The following TENM2 variants were observed in gnomAD, a reference collection of about 807,000 sequenced individuals.
TENM2 encodes teneurin transmembrane protein 2.
A neutral mutation model predicts 245.2 loss-of-function variants in TENM2; 52 were observed. The ratio of observed to expected loss-of-function variants is 0.21; its 90% CI spans 0.17 to 0.27. TENM2 has a LOEUF of 0.27. Ranked by LOEUF, TENM2 falls within the 10% of genes least tolerant of loss-of-function variation. TENM2 has a pLI of 1.00. For missense variants in TENM2, 3,046 were observed against 3,666.8 expected, an observed-to-expected ratio of 0.83 and a Z score of 4.37; for synonymous variants, 1,363 against 1,438.9, an observed-to-expected ratio of 0.95 and a Z score of 1.19.
At chr5:167,707,120 G>A (rs567480310) in intron 2 of TENM2, among the ~76,000 whole-genome samples, 4 of 151,614 alleles carry the variant, frequency 2.6e-5, no homozygotes, top group African/African-American at 9.7e-5. Context: ...CATGGTAGGT[G>A]ATATCTCAGT....
intron 23 of TENM2, among the ~76,000 whole-genome samples, chr5:168,223,137 A>G (rs1029359558): frequency 6.6e-6 from 1 of 152,192 alleles, no homozygotes; most frequent in Non-Finnish European, 1.5e-5. Flanking sequence ...AAAGTTAAAG[A>G]AAATCTGTTT....
Position 167,567,977 on chromosome 5 carries a change from CA to C in TENM2, c.502+192516del, listed in dbSNP as rs70976435. ...CAAAGGAATAGCAATATATATTGTA[CA>C]AAAAAAAAAAATACTTCGCTCATGT... On this transcript the variant is annotated intron_variant, in intron 2 of 28. Transcript: ENST00000518659. Among the ~76,000 whole-genome samples the C allele has an allele frequency of 9.5e-3, 1,348 of 141,814 alleles. 17 individuals carry two copies. Among genetic ancestry groups the C allele is most frequent in the African/African-American group, 0.026 (991 of 38,590 alleles). 93.0% of individuals were successfully genotyped at this position (141,814 alleles called of 152,430 possible).
chr5:167,687,374 G>A (rs1272305960), intron 2 of TENM2, among the ~76,000 whole-genome samples: 1 of 151,856 alleles, frequency 6.6e-6, no homozygotes, highest in Non-Finnish European at 1.5e-5. Context: ...ATTTTCTGAA[G>A]GAAAAAAATA....
chr5:168,125,380 A>T (rs183775877), intron 11 of TENM2, among the ~76,000 whole-genome samples: 8 of 152,308 alleles, frequency 5.3e-5, no homozygotes, highest in East Asian at 3.9e-4. Context: ...GACAAACTAA[A>T]TGGAACATCC....
intron 2 of TENM2, among the ~76,000 whole-genome samples, chr5:167,551,526 C>T (rs1232357311): frequency 2.0e-5 from 3 of 152,062 alleles, no homozygotes; most frequent in African/African-American, 4.8e-5. Context: ...AAATCCATAA[C>T]AAAATAGAAG....
chr5:167,125,928 C>T, the TENM2 span, among the ~76,000 whole-genome samples: 6 of 152,098 alleles, frequency 3.9e-5, no homozygotes, highest in Non-Finnish European at 7.4e-5. Context: ...ATACTTTTTC[C>T]CAACAACTGA....
chr5:167,681,590 G>A (rs1756708294), intron 2 of TENM2, among the ~76,000 whole-genome samples: 1 of 150,864 alleles, frequency 6.6e-6, no homozygotes, highest in African/African-American at 2.4e-5. Context: ...ATGTATATGT[G>A]TATATATACA....
the TENM2 span, among the ~76,000 whole-genome samples, chr5:167,032,664 A>G: frequency 2.0e-5 from 3 of 152,288 alleles, no homozygotes; most frequent in Admixed American, 6.5e-5. Context: ...GAATCGTGCA[A>G]TGAAAATTGG....
At chr5:167,453,886 G>T (rs1179710800) in intron 2 of TENM2, among the ~76,000 whole-genome samples, 1 of 152,116 alleles carries the variant, frequency 6.6e-6, no homozygotes, top group Non-Finnish European at 1.5e-5. Context: ...CAAATTACTA[G>T]CATGTTTTAA....
At position 168,247,035 on chromosome 5, in the gene TENM2, C is replaced by G; in HGVS notation, c.6096C>G (p.Val2032=). 1 of 1,614,020 alleles carries G rather than the reference C, an allele frequency of 6.2e-7. No individual in the cohort carries two copies. Among genetic ancestry groups the G allele is most frequent in the Non-Finnish European group, 8.5e-7 (1 of 1,179,902 alleles). Residue 2032 remains valine (V), a synonymous_variant, in exon 27 of 29, where the codon GTC becomes GTG. Coordinates refer to ENST00000518659, the Ensembl canonical transcript of TENM2. This position sits in a 1 kb window ranked among gnomAD's most constrained non-coding sequence, Gnocchi z 7.8. ...AACTCTCCAAGTTATCAGAGATTGTCTACGACAGTACCGCCGTCACCTTCG... is the reference window on the plus strand; with the variant it reads ...AACTCTCCAAGTTATCAGAGATTGTGTACGACAGTACCGCCGTCACCTTCG...
intron 4 of TENM2, among the ~76,000 whole-genome samples, chr5:167,978,758 A>G (rs1292039481): frequency 6.6e-6 from 1 of 152,162 alleles, no homozygotes; most frequent in Non-Finnish European, 1.5e-5. Flanking sequence ...ATGCCACTGA[A>G]TTGTGCAATT....
At chr5:167,282,058 TA>T, upstream of TENM2, among the ~76,000 whole-genome samples, 1 of 149,938 alleles carries the variant, frequency 6.7e-6, no homozygotes, top group East Asian at 2.0e-4. Context: ...GAGCATGATT[TA>T]AAAACTAAAA....
At chr5:167,646,164 TA>T (rs1779923066) in intron 2 of TENM2, among the ~76,000 whole-genome samples, 6 of 33,168 alleles carry the variant, frequency 1.8e-4, no homozygotes, top group Non-Finnish European at 4.0e-4. Context: ...TTCATATATA[TA>T]TATGTTGTTT....
intron 4 of TENM2, among the ~76,000 whole-genome samples, chr5:167,966,211 C>A (rs765299874): frequency 1.3e-4 from 20 of 152,122 alleles, no homozygotes; most frequent in Admixed American, 3.3e-4. Context: ...GGTTTTATGC[C>A]CTGCATATTA....
At chr5:168,144,313 G>A (rs1281171822) in intron 12 of TENM2, among the ~76,000 whole-genome samples, 2 of 151,854 alleles carry the variant, frequency 1.3e-5, no homozygotes, top group Non-Finnish European at 1.5e-5. Context: ...TATCTCTCCC[G>A]ATGCTATCCC....
At chr5:168,028,621 A>C (rs747214694) in intron 5 of TENM2, among the ~76,000 whole-genome samples, 2 of 152,138 alleles carry the variant, frequency 1.3e-5, no homozygotes, top group Non-Finnish European at 2.9e-5. Flanking sequence ...AAATGCTTTT[A>C]ATATAATATA....
At chr5:167,342,430 T>C (rs1758156905) in intron 1 of TENM2, among the ~76,000 whole-genome samples, 1 of 151,698 alleles carries the variant, frequency 6.6e-6, no homozygotes, top group Non-Finnish European at 1.5e-5. Context: ...TCTGTCTACA[T>C]GACTTACTGC....
chr5:167,867,391 T>C (rs1029003599), intron 2 of TENM2, among the ~76,000 whole-genome samples: 20 of 152,198 alleles, frequency 1.3e-4, no homozygotes, highest in African/African-American at 4.3e-4. Flanking sequence ...CCCAAATGCA[T>C]AGGGTCTCAA....
the TENM2 span, among the ~76,000 whole-genome samples, chr5:167,024,839 C>T: frequency 1.3e-3 from 197 of 152,230 alleles, 1 homozygote; most frequent in African/African-American, 4.4e-3. Flanking sequence ...TTTTTCAACA[C>T]CTGATAGCCT....
Sources: allele counts gnomAD v4.1 joint callset (sites outside exome capture counted in the v4.1 genomes callset), GRCh38; gene constraint gnomAD v4.1.1; non-coding constraint Gnocchi (gnomAD v3.1); transcripts MANE v1.5; gene names NCBI Gene and HGNC (gene_info 2026-07-23, HGNC 2026-07-21).